NAV3: variants seen among roughly 807,000 people sequenced by gnomAD.
The protein encoded by NAV3 is neuron navigator 3, also known as pore membrane and/or filament interacting like protein 1.
Under a neutral mutation model 244.7 loss-of-function variants are expected in NAV3, and 87 were observed. The ratio of observed to expected loss-of-function variants is 0.36; its 90% CI spans 0.30 to 0.42. The LOEUF (loss-of-function observed/expected upper bound fraction) is 0.42. NAV3 is among the 20% of genes least tolerant of loss of function. The pLI is 1.00. For missense variants in NAV3, 2,663 were observed against 2,893.3 expected (o/e 0.92, Z 1.83); for synonymous variants, 1,126 against 1,042.2 (o/e 1.08, Z -1.55).
At chr12:77,642,305 C>A (rs1872449782) in intron 2 of NAV3, among the ~76,000 whole-genome samples, 2 of 151,986 alleles carry the variant, frequency 1.3e-5, no homozygotes, top group African/African-American at 4.8e-5. Context: ...TCATTAACAG[C>A]TTGATATGGC....
At chr12:77,840,045 C>A (rs1003061163) in intron 1 of NAV3, among the ~76,000 whole-genome samples, 6 of 151,794 alleles carry the variant, frequency 4.0e-5, no homozygotes, top group Non-Finnish European at 8.8e-5. Flanking sequence ...TGTACTCCAG[C>A]CTGGGGGATA....
rs982642257 is a variant in NAV3, at chr12:78,059,569, G to A, written c.2636+454G>A. ...CCCAAAGTACTGGGATTACAGGCAT[G>A]AGCCTCTACGCCCCGCCTATTTGGG... On this transcript the variant is annotated intron_variant, in intron 12 of 39. Transcript: ENST00000397909. Among the ~76,000 whole-genome samples, 9 of 152,304 alleles carry A rather than the reference G, an allele frequency of 5.9e-5. No homozygotes were observed. In the East Asian group the frequency reaches 9.6e-4, roughly 16 times the overall value.
At position 77,919,342 on chromosome 12, in the gene NAV3, T is replaced by C. The variant is rs12320184; in HGVS notation, c.244-20977T>C. Among the ~76,000 whole-genome samples the C allele has an allele frequency of 3.2e-3, 491 of 152,166 alleles. 3 individuals are homozygous for C. The highest frequency in any genetic ancestry group is 0.011 in the African/African-American group (464 of 41,550). On this transcript the variant is annotated intron_variant, in intron 1 of 39. Transcript: ENST00000397909. ...ACCAAATGAAGGAAACCTATGTGAA[T>C]TGATATATTTAGAACTTCCTTACCA...
At chr12:77,573,781 A>G (rs1565720387) in intron 2 of NAV3, among the ~76,000 whole-genome samples, 1 of 152,180 alleles carries the variant, frequency 6.6e-6, no homozygotes. Flanking sequence ...CAGGGTTATA[A>G]TTTCTGATGG....
intron 2 of NAV3, among the ~76,000 whole-genome samples, chr12:77,797,699 G>T (rs940010807): frequency 3.3e-5 from 5 of 151,552 alleles, no homozygotes; most frequent in South Asian, 2.1e-4. Context: ...CAATTAGCCA[G>T]GGGTGGTGGT....
rs757324672 is a variant in NAV3 at position 78,210,566 on chromosome 12, C to A, written c.*49C>A. 6.3e-7 allele frequency: 1 copy of A among 1,598,302 alleles called. No homozygotes were observed. ...AGACTTTGCTTTTAAAAAAATGTTT[C>A]AAAAGAAAGGTATTTTCACTAAACC... On this transcript the variant is annotated 3_prime_UTR_variant, in exon 40 of 40. Coordinates refer to ENST00000397909, the MANE Select transcript of NAV3 (RefSeq NM_001024383.2).
intron 2 of NAV3, among the ~76,000 whole-genome samples, chr12:77,673,804 C>A (rs1459237818): frequency 1.3e-5 from 2 of 152,002 alleles, no homozygotes; most frequent in Non-Finnish European, 2.9e-5. Flanking sequence ...AGTTCTATTG[C>A]ATATCTATTT....
chr12:78,003,972 A>C (rs1220560002), intron 7 of NAV3, among the ~76,000 whole-genome samples: 2 of 152,220 alleles, frequency 1.3e-5, no homozygotes, highest in Non-Finnish European at 2.9e-5. Context: ...TTACCCAATT[A>C]ACTTGACTGT....
At chr12:77,655,406 A>G (rs957825747) in intron 2 of NAV3, among the ~76,000 whole-genome samples, 4 of 152,202 alleles carry the variant, frequency 2.6e-5, no homozygotes, top group Non-Finnish European at 5.9e-5. Context: ...AGTTTAGAGA[A>G]AAAAGAATAA....
chr12:77,714,668 T>C (rs1876281841), intron 2 of NAV3, among the ~76,000 whole-genome samples: 1 of 152,198 alleles, frequency 6.6e-6, no homozygotes, highest in Non-Finnish European at 1.5e-5. Context: ...TATAATCAAA[T>C]GTCTACTAAA....
At chr12:77,998,532 A>C in intron 7 of NAV3, 56 bp downstream of exon 7, 1 of 1,495,968 alleles carries the variant, frequency 6.7e-7, no homozygotes. Context: ...TGTGAATTGC[A>C]TGCTAAATCT....
At chr12:77,774,347 T>C (rs1027672850) in intron 2 of NAV3, among the ~76,000 whole-genome samples, 7 of 152,152 alleles carry the variant, frequency 4.6e-5, no homozygotes, top group Non-Finnish European at 8.8e-5. Flanking sequence ...CCTTCACAAG[T>C]TGATGCTGAT....
intron 5 of NAV3, among the ~76,000 whole-genome samples, chr12:77,976,177 C>T (rs1168002816): frequency 2.6e-5 from 4 of 152,126 alleles, no homozygotes; most frequent in Non-Finnish European, 5.9e-5. Flanking sequence ...CAGATATTCA[C>T]TTATTGCCAT....
intron 2 of NAV3, among the ~76,000 whole-genome samples, chr12:77,585,071 T>C (rs1869537792): frequency 6.6e-6 from 1 of 152,152 alleles, no homozygotes; most frequent in South Asian, 2.1e-4. Context: ...GTCTATGCCA[T>C]TGTTTTTTGC....
At chr12:77,713,843 A>T (rs537405315) in intron 2 of NAV3, among the ~76,000 whole-genome samples, 4 of 152,238 alleles carry the variant, frequency 2.6e-5, no homozygotes, top group South Asian at 2.1e-4. Flanking sequence ...TTTCTTGGTT[A>T]TTGTGGGCTA....
chr12:78,021,597 A>G, intron 8 of NAV3, 150 bp from the exon 9 acceptor site: 2 of 520,454 alleles, frequency 3.8e-6, no homozygotes, highest in South Asian at 2.2e-5. Flanking sequence ...CAGTTCTCCT[A>G]TACATAGACA....
At chr12:77,873,744 G>GTGTGTGTGTGTATATATA (rs776225440) in intron 1 of NAV3, among the ~76,000 whole-genome samples, 2 of 73,178 alleles carry the variant, frequency 2.7e-5, no homozygotes, top group Admixed American at 1.4e-4. Flanking sequence ...ATGTGTGTGT[G>GTGTGTGTGTGTATATATA]TATATATATA....
chr12:78,197,517 A>G, intron 35 of NAV3, 116 bp downstream of exon 35: 1 of 699,766 alleles, frequency 1.4e-6, no homozygotes, highest in Non-Finnish European at 2.2e-6. Flanking sequence ...TATTTTTTAA[A>G]TTGACAGATA....
At chr12:77,664,588 GT>G (rs908577738) in intron 2 of NAV3, among the ~76,000 whole-genome samples, 1 of 152,066 alleles carries the variant, frequency 6.6e-6, no homozygotes, top group African/African-American at 2.4e-5. Flanking sequence ...AGATGATAAG[GT>G]TTACACTTAC....
Sources: allele counts gnomAD v4.1 joint callset (sites outside exome capture counted in the v4.1 genomes callset), GRCh38; gene constraint gnomAD v4.1.1; transcripts MANE v1.5; gene names NCBI Gene and HGNC (gene_info 2026-07-23, HGNC 2026-07-21).